EPB41: variants seen among roughly 807,000 people sequenced by gnomAD.
EPB41 encodes the protein protein 4.1.
A neutral mutation model predicts 108.0 loss-of-function variants in EPB41; 65 were observed. The ratio of observed to expected loss-of-function variants is 0.60; its 90% CI spans 0.49 to 0.74. The LOEUF is 0.74. EPB41 is among the 30% of genes least tolerant of loss of function. EPB41 has a pLI of 0.00. For missense variants in EPB41, 875 were observed against 1,037.0 expected (o/e 0.84, Z 2.15); for synonymous variants, 336 against 358.9 (o/e 0.94, Z 0.72).
At chr1:29,079,641 C>T (rs1385595216) in intron 16 of EPB41, among the ~76,000 whole-genome samples, 1 of 152,074 alleles carries the variant, frequency 6.6e-6, no homozygotes, top group African/African-American at 2.4e-5. Context: ...AAACTTCTGA[C>T]CTTAGTTGAT....
chr1:29,030,310 AT>A, intron 7 of EPB41, 89 bp from the exon 8 acceptor site: 1 of 1,004,886 alleles, frequency 1.0e-6, no homozygotes, highest in Non-Finnish European at 1.6e-6. Flanking sequence ...GTATATGTTC[AT>A]GTGTTTAAAA....
intron 18 of EPB41, among the ~76,000 whole-genome samples, chr1:29,111,917 C>T (rs947325792): frequency 1.3e-5 from 2 of 149,786 alleles, no homozygotes; most frequent in African/African-American, 2.5e-5. Flanking sequence ...GCAGAGGTTG[C>T]AGTGAGCCGA....
At chr1:29,012,393 TA>T (rs916226429) in intron 5 of EPB41, among the ~76,000 whole-genome samples, 59 of 152,304 alleles carry the variant, frequency 3.9e-4, no homozygotes, top group African/African-American at 1.3e-3. Context: ...AACTGCAGTA[TA>T]AAGGACTGTG....
chr1:28,951,361 T>TACACACACACACAC (rs58546363), intron 1 of EPB41, among the ~76,000 whole-genome samples: 1 of 143,038 alleles, frequency 7.0e-6, no homozygotes, highest in Non-Finnish European at 1.5e-5. Flanking sequence ...CCCTGTGTCT[T>TACACACACACACAC]ACACACACAC....
At chr1:29,064,811 A>T (rs1286388309) in intron 15 of EPB41, 171 bp from the exon 16 acceptor site, 2 of 810,010 alleles carry the variant, frequency 2.5e-6, no homozygotes, top group Non-Finnish European at 3.7e-6. Flanking sequence ...AAAGAAAAAA[A>T]AGGCAAGCAA....
At chr1:29,015,073 G>GCGTGAGGCATGGCAGT (rs2096560459) in intron 5 of EPB41, among the ~76,000 whole-genome samples, 1 of 152,128 alleles carries the variant, frequency 6.6e-6, no homozygotes, top group African/African-American at 2.4e-5. Context: ...GGCATGGCAG[G>GCGTGAGGCATGGCAGT]CATGAGCCAC....
chr1:28,992,497 G>A (rs2096050122), intron 2 of EPB41, among the ~76,000 whole-genome samples: 1 of 152,110 alleles, frequency 6.6e-6, no homozygotes, highest in Non-Finnish European at 1.5e-5. Context: ...AACCATCCTG[G>A]CTAACGTGGT....
At chr1:28,996,051 A>G (rs973234974) in intron 3 of EPB41, among the ~76,000 whole-genome samples, 3 of 152,204 alleles carry the variant, frequency 2.0e-5, no homozygotes, top group African/African-American at 4.8e-5. Context: ...CTCAGAAGAC[A>G]TTCACATATT....
In EPB41 at chr1:29,053,304, G is replaced by T; in HGVS notation, c.1837G>T (p.Ala613Ser). 6.2e-7 allele frequency: 1 copy of T among 1,614,212 alleles called. No individual in the cohort carries two copies. The highest frequency in any genetic ancestry group is 8.5e-7 in the Non-Finnish European group (1 of 1,180,032). ...PEQAEPEPTE[A>S]WKVEKTHIEV... Reference sequence around the variant, plus strand: ...GCAAGCTGAGCCAGAGCCCACAGAAGCATGGAAGGTATGTCATCAGTCCAA... The same window carrying T: ...GCAAGCTGAGCCAGAGCCCACAGAATCATGGAAGGTATGTCATCAGTCCAA... The change falls in exon 12 of 21, where the codon GCA becomes TCA. Residue 613 changes from alanine to serine, a missense_variant. Ala to Ser is a moderately conservative substitution (Grantham distance 99). This residue lies in a region of EPB41 where 519 missense variants were observed against 627.3 expected (regional missense o/e 0.83). Coordinates refer to ENST00000343067, the MANE Select transcript of EPB41 (RefSeq NM_001376013.1).
At chr1:28,892,797 CTTTTTTTT>C (rs995428093) in intron 1 of EPB41, among the ~76,000 whole-genome samples, 2 of 87,234 alleles carry the variant, frequency 2.3e-5, no homozygotes, top group African/African-American at 4.7e-5. Context: ...TTCCCAGGTT[CTTTTTTTT>C]TTTTTTTTTT....
chr1:28,971,040 G>A (rs548386082), intron 1 of EPB41, among the ~76,000 whole-genome samples: 82 of 151,956 alleles, frequency 5.4e-4, no homozygotes, highest in Non-Finnish European at 1.0e-3. Flanking sequence ...TAGAGAGAGG[G>A]TTTCACCATG....
At position 28,983,792 on chromosome 1, in the gene EPB41, C is replaced by A. The variant is rs2095811225; in HGVS notation, c.-7-3639C>A. On this transcript the variant is annotated intron_variant, in intron 1 of 20. Transcript: ENST00000343067. ...TTAGCTTCGACATGCCATCCACGAA[C>A]AGCTTAAGTGTTAGCAGCTCAGTGG... Among the ~76,000 whole-genome samples the A allele has an allele frequency of 3.9e-5, 6 of 152,132 alleles. No homozygotes were observed. In the South Asian group the frequency reaches 1.2e-3, roughly 32 times the overall value.
chr1:28,942,782 T>G (rs998423396), intron 1 of EPB41, among the ~76,000 whole-genome samples: 4 of 152,160 alleles, frequency 2.6e-5, no homozygotes, highest in Non-Finnish European at 5.9e-5. Flanking sequence ...ATCACATGGT[T>G]GGTTCCCCTG....
intron 4 of EPB41, among the ~76,000 whole-genome samples, chr1:29,009,724 C>T (rs1457983508): frequency 6.6e-6 from 1 of 152,120 alleles, no homozygotes; most frequent in Non-Finnish European, 1.5e-5. Flanking sequence ...AAGGAGAAAA[C>T]ACCCAGGTCA....
chr1:29,082,418 C>G (rs1311458516), intron 16 of EPB41, among the ~76,000 whole-genome samples: 2 of 152,218 alleles, frequency 1.3e-5, no homozygotes, highest in East Asian at 3.8e-4. Flanking sequence ...GCCACTGGGC[C>G]TAACCTCAAG....
At chr1:28,958,819 C>CAAAAA (rs35105287) in intron 1 of EPB41, among the ~76,000 whole-genome samples, 50 of 65,342 alleles carry the variant, frequency 7.7e-4, no homozygotes, top group African/African-American at 1.3e-3. Context: ...ACCCTGTCTC[C>CAAAAA]AAAAAAAAAA....
intron 16 of EPB41, chr1:29,097,447 G>A: frequency 3.1e-6 from 1 of 318,162 alleles, no homozygotes. Context: ...TAATTATAAT[G>A]GTACAGACAC....
At chr1:28,938,335 A>G (rs369944263) in intron 1 of EPB41, among the ~76,000 whole-genome samples, 63 of 152,284 alleles carry the variant, frequency 4.1e-4, no homozygotes, top group African/African-American at 1.4e-3. Context: ...ATCTATGAAC[A>G]TGGGATTTTT....
intron 1 of EPB41, among the ~76,000 whole-genome samples, chr1:28,948,996 A>G (rs989569154): frequency 6.6e-6 from 1 of 152,168 alleles, no homozygotes; most frequent in Admixed American, 6.5e-5. Context: ...GAAGTGTAAT[A>G]TTAAAGTAGC....
Sources: allele counts gnomAD v4.1 joint callset (sites outside exome capture counted in the v4.1 genomes callset), GRCh38; gene constraint gnomAD v4.1.1; regional missense constraint gnomAD v4.1.1; transcripts MANE v1.5; gene names NCBI Gene and HGNC (gene_info 2026-07-23, HGNC 2026-07-21).